EMG1: variants seen among roughly 807,000 people sequenced by gnomAD.
The protein encoded by EMG1 is ribosomal RNA small subunit methyltransferase NEP1.
Under a neutral mutation model 26.9 loss-of-function variants are expected in EMG1, and 24 were observed. The observed-to-expected ratio is 0.89, with a 90% confidence interval of 0.65 to 1.26. The LOEUF (loss-of-function observed/expected upper bound fraction) is 1.26. Among genes scored for constraint, EMG1 ranks in the 50% most tolerant of loss-of-function variants. The pLI is 0.00. For missense variants in EMG1, 299 were observed against 307.6 expected (o/e 0.97, Z 0.21); for synonymous variants, 140 against 112.6 (o/e 1.24, Z -1.54).
rs1030502788 is a variant in EMG1 at position 6,979,321 on chromosome 12, G to A, written c.*3512G>A. ...CTGGCTGATGAACATGTCCCAGCACGGCTGGCATTGACAACTCACAGATCT... is the reference window on the plus strand; with the variant it reads ...CTGGCTGATGAACATGTCCCAGCACAGCTGGCATTGACAACTCACAGATCT... On this transcript the variant is annotated 3_prime_UTR_variant, in exon 6 of 6. Transcript: ENST00000599672. 12 of 642,966 alleles carry A rather than the reference G, an allele frequency of 1.9e-5. No individual in the cohort carries two copies. Among genetic ancestry groups the A allele is most frequent in the Non-Finnish European group, 3.0e-5 (11 of 360,972 alleles). 39.8% of individuals were successfully genotyped at this position (642,966 alleles called of 1,614,324 possible).
At chr12:6,984,068 A>C (rs1214011647), downstream of EMG1, among the ~76,000 whole-genome samples, 8 of 152,202 alleles carry the variant, frequency 5.3e-5, no homozygotes, top group African/African-American at 1.7e-4. Flanking sequence ...CTAGCACTGT[A>C]TTATCAGATT....
Position 6,978,031 on chromosome 12 carries a change from C to A in EMG1, c.*2222C>A. 1.8e-6 allele frequency: 1 copy of A among 562,956 alleles called. No individual in the cohort carries two copies. Among genetic ancestry groups the A allele is most frequent in the Non-Finnish European group, 3.2e-6 (1 of 316,048 alleles). The allele number at this position is 562,956 out of a possible 1,614,324, so 34.9% of individuals were successfully genotyped here. On this transcript the variant is annotated 3_prime_UTR_variant, in exon 6 of 6. Transcript: ENST00000599672. The stretch of plus-strand genomic sequence containing the variant: ...CCAGACACTCTACTCAAGCTGCCCA[C>A]ACTCTAGTGGTGGGGACAAACAAGT...
Position 6,975,360 on chromosome 12 carries a change from G to A in EMG1, c.603G>A (p.Gly201=). The A allele has an allele frequency of 6.2e-7, 1 of 1,602,392 alleles. No individual in the cohort carries two copies. The highest frequency in any genetic ancestry group is 8.5e-7 in the Non-Finnish European group (1 of 1,173,942). Residue 201 remains glycine (G), a synonymous_variant, in exon 5 of 6, where the codon GGG becomes GGA. Transcript: ENST00000599672. ...GTGATCCTATTGTTTTTGTGGTAGG[G>A]GCCTTTGCCCATGGCAAGGTAAGGT... The part of the protein sequence containing the change: ...PSSDPIVFVV[G]AFAHGKVSVE...
downstream of EMG1, among the ~76,000 whole-genome samples, chr12:6,991,050 A>G (rs1946585147): frequency 1.3e-5 from 2 of 152,192 alleles, no homozygotes; most frequent in South Asian, 2.1e-4. Flanking sequence ...GTAAACCACT[A>G]TATTTCCCAA....
At chr12:6,988,902 G>A (rs949006616), downstream of EMG1, among the ~76,000 whole-genome samples, 2 of 152,016 alleles carry the variant, frequency 1.3e-5, no homozygotes, top group African/African-American at 4.8e-5. Flanking sequence ...CGAGGCAGGC[G>A]GATCACCTGA....
downstream of EMG1, among the ~76,000 whole-genome samples, chr12:6,989,820 T>C (rs782147984): frequency 2.0e-5 from 3 of 152,304 alleles, no homozygotes; most frequent in South Asian, 4.1e-4. Flanking sequence ...AGATTACTTA[T>C]TAATCCTAAA....
chr12:6,989,997 ACT>A (rs1555155261), downstream of EMG1, among the ~76,000 whole-genome samples: 1 of 150,522 alleles, frequency 6.6e-6, no homozygotes, highest in African/African-American at 2.5e-5. Flanking sequence ...ACATAGCAAG[ACT>A]CTGTCTCTAC....
chr12:6,977,546 C>G lies in EMG1; in HGVS notation c.*1737C>G, dbSNP rs1256123250. The G allele has an allele frequency of 9.3e-6, 15 of 1,613,996 alleles. No homozygotes were observed. In the African/African-American group the frequency reaches 1.9e-4, roughly 20 times the overall value. Reference sequence around the variant, plus strand: ...GCAGCCTGGGGAGGGAGGAGGAGCTCATCAGCATCTTGTCCCTTATATTCC... The same window carrying G: ...GCAGCCTGGGGAGGGAGGAGGAGCTGATCAGCATCTTGTCCCTTATATTCC... On this transcript the variant is annotated 3_prime_UTR_variant, in exon 6 of 6. Coordinates refer to ENST00000599672, the MANE Select transcript of EMG1 (RefSeq NM_006331.8). This position sits in a 1 kb window ranked among gnomAD's most constrained non-coding sequence, Gnocchi z 4.5.
rs782347362 is a variant in EMG1 at position 6,979,279 on chromosome 12, G to C, written c.*3470G>C. ...GTGCACCTGGCACAGCCCTGTGCCC[G>C]CGAAGGTTGTTCAGTGCTGGCTGAT... On this transcript the variant is annotated 3_prime_UTR_variant, in exon 6 of 6. Transcript: ENST00000599672. The C allele has an allele frequency of 1.7e-6, 1 of 595,980 alleles. No individual in the cohort carries two copies. The highest frequency in any genetic ancestry group is 3.0e-5 in the Admixed American group (1 of 33,774). 36.9% of individuals were successfully genotyped at this position (595,980 alleles called of 1,614,324 possible). A position where few individuals can be genotyped will look rare whatever the true frequency, so the allele number is the denominator to read the frequency against.
rs1458944526 is a variant in EMG1, at chr12:6,979,281, G to A, written c.*3472G>A. The stretch of plus-strand genomic sequence containing the variant: ...GCACCTGGCACAGCCCTGTGCCCGC[G>A]AAGGTTGTTCAGTGCTGGCTGATGA... On this transcript the variant is annotated 3_prime_UTR_variant, in exon 6 of 6. Transcript: ENST00000599672. The A allele has an allele frequency of 1.5e-5, 9 of 598,330 alleles. No individual in the cohort carries two copies. The highest frequency in any genetic ancestry group is 1.5e-4 in the African/African-American group (8 of 53,716). The allele number at this position is 598,330 out of a possible 1,614,324, so 37.1% of individuals were successfully genotyped here.
chr12:6,975,206 C>T (rs1946379474), intron 4 of EMG1, 23 bp from the exon 5 acceptor site: 7 of 1,613,826 alleles, frequency 4.3e-6, no homozygotes, highest in Non-Finnish European at 5.1e-6. Flanking sequence ...CTGGGGCTGA[C>T]TTTTCTCTCT....
chr12:6,981,189 C>A, downstream of EMG1: 1 of 1,600,940 alleles, frequency 6.2e-7, no homozygotes, highest in South Asian at 1.1e-5. Flanking sequence ...AATTCTATGC[C>A]AAGAAGAGAA....
In EMG1 at chr12:6,987,903, T is replaced by C; in HGVS notation, c.*211+65T>C. 2.5e-6 allele frequency: 1 copy of C among 400,574 alleles called. No homozygotes were observed. The highest frequency in any genetic ancestry group is 3.6e-5 in the East Asian group (1 of 28,060). The allele number at this position is 400,574 out of a possible 1,614,324, so 24.8% of individuals were successfully genotyped here. A position where few individuals can be genotyped will look rare whatever the true frequency, so the allele number is the denominator to read the frequency against. On this transcript the variant is annotated intron_variant and NMD_transcript_variant, in intron 7 of 7. Transcript: ENST00000261406. The surrounding 1 kb of genome is among the most constrained non-coding windows in gnomAD (Gnocchi z 4.1). ...CTGTCCTGAGTTCTGAGTTCTTGTG[T>C]CCACTTCTTATAGCCTGTCTGTCCC...
Position 6,976,908 on chromosome 12 carries a change from G to A in EMG1, c.*1099G>A. 2.1e-6 allele frequency: 1 copy of A among 485,396 alleles called. No homozygotes were observed. Among genetic ancestry groups the A allele is most frequent in the South Asian group, 2.4e-5 (1 of 42,278 alleles). The allele number at this position is 485,396 out of a possible 1,614,324, so 30.1% of individuals were successfully genotyped here. On this transcript the variant is annotated 3_prime_UTR_variant, in exon 6 of 6. Transcript: ENST00000599672. ...ACAGGCCACCTGCAAGACAAGAGGAGTTTGGAAGGCTGGTTAGTTACTCCT... is the reference window on the plus strand; with the variant it reads ...ACAGGCCACCTGCAAGACAAGAGGAATTTGGAAGGCTGGTTAGTTACTCCT...
chr12:6,981,763 G>C, downstream of EMG1: 1 of 1,519,188 alleles, frequency 6.6e-7, no homozygotes, highest in Non-Finnish European at 9.1e-7. Context: ...TTAGTGAGAT[G>C]GGGGAGGGAC....
rs1555152961 is a variant in EMG1 at position 6,975,290 on chromosome 12, T to C, written c.533T>C (p.Phe178Ser). 1 of 1,612,850 alleles carries C rather than the reference T, an allele frequency of 6.2e-7. No individual in the cohort carries two copies. Among genetic ancestry groups the C allele is most frequent in the Non-Finnish European group, 8.5e-7 (1 of 1,179,280 alleles). Residue 178 changes from phenylalanine to serine, a missense_variant, in exon 5 of 6, where the codon TTT becomes TCT. Coordinates refer to ENST00000599672, the MANE Select transcript of EMG1 (RefSeq NM_006331.8). ...GGATGTATGAAAGTTGGCACTTCTT[T>C]TTCCATCCCGGTTGTCAGTGATGTG... is the stretch of plus-strand genomic sequence containing the variant. ...PVGCMKVGTS[F>S]SIPVVSDVRE...
downstream of EMG1, chr12:6,982,590 A>T (rs891841031): frequency 1.0e-5 from 10 of 1,004,972 alleles, no homozygotes; most frequent in Non-Finnish European, 1.4e-5. Context: ...TAGGTCTGCT[A>T]ATTTCTATAC....
rs12580956 is a variant in EMG1 at position 6,972,057 on chromosome 12, C to G, written c.168+966C>G. 1.7e-3 allele frequency among the ~76,000 whole-genome samples: 254 copies of G among 147,630 alleles called. 1 individual carries two copies. The South Asian group carries it at 0.032, about 18-fold the overall frequency. On this transcript the variant is annotated intron_variant, in intron 1 of 5. Transcript: ENST00000599672. ...TCAGGCCAGGATTTTAATCTTCGTT[C>G]TAAATACACTTTTTTTTTTTTTTTT...
In EMG1 at chr12:6,976,879, C is replaced by T; in HGVS notation, c.*1070C>T. ...GAGACGAGTAGTTTCTGCACCAGTCCCGCACAGGCCACCTGCAAGACAAGA... is the reference window on the plus strand; with the variant it reads ...GAGACGAGTAGTTTCTGCACCAGTCTCGCACAGGCCACCTGCAAGACAAGA... On this transcript the variant is annotated 3_prime_UTR_variant, in exon 6 of 6. Coordinates refer to ENST00000599672, the MANE Select transcript of EMG1 (RefSeq NM_006331.8). 1.2e-5 allele frequency: 5 copies of T among 421,990 alleles called. No homozygotes were observed. In the South Asian group the frequency reaches 1.3e-4, roughly 11 times the overall value. 26.1% of individuals were successfully genotyped at this position (421,990 alleles called of 1,614,324 possible).
Sources: gnomAD v4.1 joint callset for allele counts (sites outside exome capture counted in the v4.1 genomes callset) on GRCh38, gnomAD v4.1.1 for gene constraint, Gnocchi (gnomAD v3.1) non-coding constraint, MANE v1.5 for transcripts, NCBI Gene and HGNC (gene_info 2026-07-23, HGNC 2026-07-21) for gene names.